Variants in DGKB observed in about 807,000 individuals in gnomAD.
DGKB encodes the protein diacylglycerol kinase beta.
A neutral mutation model predicts 114.3 loss-of-function variants in DGKB; 67 were observed. The ratio of observed to expected loss-of-function variants is 0.59; its 90% CI spans 0.48 to 0.72. The LOEUF (loss-of-function observed/expected upper bound fraction) is 0.72, where lower values mean the gene tolerates loss of function less well. DGKB is among the 30% of genes least tolerant of loss of function. The probability of loss-of-function intolerance (pLI) is 0.00; values close to 1 mark genes in which losing one functional copy is unlikely to be tolerated. For synonymous variants in DGKB, 398 were observed against 323.1 expected (o/e 1.23, Z -2.49); for missense variants, 907 against 975.2 (o/e 0.93, Z 0.93).
intron 1 of DGKB, among the ~76,000 whole-genome samples, chr7:14,842,631 A>T (rs1848091691): frequency 6.6e-6 from 1 of 152,132 alleles, no homozygotes; most frequent in African/African-American, 2.4e-5. Flanking sequence ...CTTTCACACT[A>T]ATTTCATCCT....
chr7:14,685,212 G>A, intron 10 of DGKB, 33 bp downstream of exon 10: 2 of 1,398,750 alleles, frequency 1.4e-6, no homozygotes, highest in Non-Finnish European at 2.0e-6. Flanking sequence ...CTCACTTGAG[G>A]AGATGATGTC....
chr7:14,331,942 G>T (rs1339627465), intron 23 of DGKB, among the ~76,000 whole-genome samples: 1 of 152,164 alleles, frequency 6.6e-6, no homozygotes, highest in African/African-American at 2.4e-5. Context: ...AGATCAAATA[G>T]GGTGAGATGA....
chr7:14,345,440 G>C (rs1189012488), intron 21 of DGKB, 49 bp from the exon 22 acceptor site: 1 of 983,266 alleles, frequency 1.0e-6, no homozygotes, highest in African/African-American at 1.6e-5. Context: ...AATAACAGAG[G>C]GATCTTTTAA....
intron 23 of DGKB, among the ~76,000 whole-genome samples, chr7:14,250,633 G>A (rs895751492): frequency 2.0e-5 from 3 of 152,096 alleles, no homozygotes; most frequent in East Asian, 1.9e-4. Flanking sequence ...TGGATGGAAT[G>A]TTCTTTATAT....
chr7:14,343,157 CCA>C (rs3067654), intron 22 of DGKB, among the ~76,000 whole-genome samples: 6,254 of 132,854 alleles, frequency 0.047, 188 homozygotes, highest in South Asian at 0.12. Flanking sequence ...GCCTAGCTAT[CCA>C]CACACACACA....
chr7:14,253,198 C>A (rs1235151176), intron 23 of DGKB, among the ~76,000 whole-genome samples: 1 of 152,028 alleles, frequency 6.6e-6, no homozygotes, highest in Non-Finnish European at 1.5e-5. Context: ...CCATGCTGCA[C>A]TGATTTTTGT....
At chr7:14,249,616 TTGTCAACATA>T (rs1388470236) in intron 23 of DGKB, among the ~76,000 whole-genome samples, 5 of 152,154 alleles carry the variant, frequency 3.3e-5, no homozygotes, top group South Asian at 4.1e-4. Context: ...GTTATCTAAT[TTGTCAACATA>T]TAATTGTTCA....
intron 14 of DGKB, among the ~76,000 whole-genome samples, chr7:14,629,545 T>A (rs1432398400): frequency 6.6e-6 from 1 of 152,006 alleles, no homozygotes; most frequent in East Asian, 1.9e-4. Flanking sequence ...TAATTACAAT[T>A]TTAGGGAAAC....
chr7:14,505,416 T>G (rs968767173), intron 20 of DGKB, among the ~76,000 whole-genome samples: 4 of 150,314 alleles, frequency 2.7e-5, no homozygotes, highest in Admixed American at 6.6e-5. Flanking sequence ...ATTGTGCCAC[T>G]GCAGCCCAGT....
chr7:14,330,130 A>G (rs1432930212), intron 23 of DGKB, among the ~76,000 whole-genome samples: 1 of 152,034 alleles, frequency 6.6e-6, no homozygotes, highest in African/African-American at 2.4e-5. Flanking sequence ...TTAGAATAGC[A>G]TGTAGAATTT....
intron 15 of DGKB, among the ~76,000 whole-genome samples, chr7:14,620,176 T>TTTTTA (rs1321118187): frequency 6.6e-6 from 1 of 151,484 alleles, no homozygotes; most frequent in Non-Finnish European, 1.5e-5. Flanking sequence ...AAAATGTACA[T>TTTTTA]CTTGATTTAC....
At chr7:14,316,461 G>A (rs376199455) in intron 23 of DGKB, among the ~76,000 whole-genome samples, 11,655 of 128,554 alleles carry the variant, frequency 0.091, 1,643 homozygotes, top group African/African-American at 0.32. Context: ...TATCACCACC[G>A]ATCCCACAGA....
intron 6 of DGKB, among the ~76,000 whole-genome samples, chr7:14,715,172 T>C (rs888600427): frequency 3.3e-5 from 5 of 152,168 alleles, no homozygotes; most frequent in Non-Finnish European, 7.3e-5. Flanking sequence ...GTCAAGGTTT[T>C]TAATTATTGT....
At chr7:14,204,425 G>T (rs1244841247) in intron 23 of DGKB, among the ~76,000 whole-genome samples, 1 of 151,952 alleles carries the variant, frequency 6.6e-6, no homozygotes, top group African/African-American at 2.4e-5. Context: ...GTCTATGTGG[G>T]TTAATCTGAG....
At chr7:14,185,372 T>G (rs1455071708) in intron 23 of DGKB, among the ~76,000 whole-genome samples, 2 of 152,146 alleles carry the variant, frequency 1.3e-5, no homozygotes, top group South Asian at 2.1e-4. Flanking sequence ...ATAGATGACA[T>G]GAACAAATGG....
chr7:14,962,028 G>A (rs996461014), intron 1 of DGKB, among the ~76,000 whole-genome samples: 2 of 151,958 alleles, frequency 1.3e-5, no homozygotes, highest in Non-Finnish European at 2.9e-5. Context: ...ATATATTTAC[G>A]AATTCTTTAA....
chr7:14,276,543 C>T (rs1255230253), intron 23 of DGKB, among the ~76,000 whole-genome samples: 1 of 152,002 alleles, frequency 6.6e-6, no homozygotes, highest in Admixed American at 6.6e-5. Flanking sequence ...CACTATTCTA[C>T]ATTTTTGTAG....
chr7:14,875,474 T>C (rs538379883), intron 1 of DGKB, among the ~76,000 whole-genome samples: 7 of 152,230 alleles, frequency 4.6e-5, no homozygotes, highest in South Asian at 2.1e-4. Flanking sequence ...ATTTGCAACA[T>C]TGTGAAATAA....
intron 12 of DGKB, among the ~76,000 whole-genome samples, chr7:14,674,694 A>G (rs1003931554): frequency 3.9e-5 from 6 of 152,090 alleles, no homozygotes; most frequent in African/African-American, 1.4e-4. Context: ...GGGAATCTGG[A>G]CAGAGAGACA....
Sources: allele counts gnomAD v4.1 joint callset (sites outside exome capture counted in the v4.1 genomes callset), GRCh38; gene constraint gnomAD v4.1.1; transcripts MANE v1.5; gene names NCBI Gene and HGNC (gene_info 2026-07-23, HGNC 2026-07-21).